Variants in NT5C2 observed in about 807,000 individuals in gnomAD.
NT5C2 encodes the protein 5'-nucleotidase, cytosolic II.
A neutral mutation model predicts 76.1 loss-of-function variants in NT5C2; 58 were observed. The ratio of observed to expected loss-of-function variants is 0.76; its 90% CI spans 0.62 to 0.95. NT5C2 has a LOEUF of 0.95. Ranked by LOEUF, NT5C2 falls within the 40% of genes least tolerant of loss-of-function variation. The pLI, the probability that NT5C2 is intolerant of heterozygous loss-of-function variation, is 0.00. For synonymous variants in NT5C2, 229 were observed against 237.4 expected, an observed-to-expected ratio of 0.96 and a Z score of 0.32; for missense variants, 478 against 690.3, an observed-to-expected ratio of 0.69 and a Z score of 3.45.
At chr10:103,149,254 AAAG>A (rs1438958645) in intron 3 of NT5C2, among the ~76,000 whole-genome samples, 1 of 152,232 alleles carries the variant, frequency 6.6e-6, no homozygotes, top group East Asian at 1.9e-4. Flanking sequence ...TTTAAATGTA[AAAG>A]AAGGTCTATC....
In NT5C2 at chr10:103,099,058, G is replaced by T. The variant is rs946657994; in HGVS notation, c.634-74C>A. The T allele has an allele frequency of 3.3e-6, 4 of 1,210,188 alleles. No homozygotes were observed. In the African/African-American group the frequency reaches 6.1e-5, roughly 18 times the overall value. The allele number at this position is 1,210,188 out of a possible 1,614,324, so 75.0% of individuals were successfully genotyped here. ...TAACATGTAGTTTATAAGAAAAATG[G>T]TTTTTACTAATCAACCCAAATCCTT... is the stretch of plus-strand genomic sequence containing the variant. On this transcript the variant is annotated intron_variant, in intron 9 of 18. Coordinates refer to ENST00000404739, the MANE Select transcript of NT5C2 (RefSeq NM_001351169.2).
At chr10:103,151,929 A>G (rs2082478052) in intron 3 of NT5C2, among the ~76,000 whole-genome samples, 1 of 152,102 alleles carries the variant, frequency 6.6e-6, no homozygotes, top group Admixed American at 6.6e-5. Flanking sequence ...CTAGAGATAA[A>G]CCTAAAAAAA....
intron 3 of NT5C2, among the ~76,000 whole-genome samples, chr10:103,163,878 A>C (rs947173362): frequency 4.1e-5 from 6 of 145,026 alleles, no homozygotes; most frequent in African/African-American, 1.5e-4. Flanking sequence ...AAACAAAAAA[A>C]AAAAAACCTG....
At chr10:103,093,615 T>C (rs2067434693) in intron 14 of NT5C2, 1 of 359,202 alleles carries the variant, frequency 2.8e-6, no homozygotes, top group African/African-American at 2.1e-5. Flanking sequence ...AAGCTGGCTT[T>C]ACTCAACTGT....
chr10:103,166,605 T>TA (rs554094719), intron 3 of NT5C2, among the ~76,000 whole-genome samples: 15 of 149,808 alleles, frequency 1.0e-4, no homozygotes, highest in African/African-American at 1.7e-4. Flanking sequence ...ATTAGAATGA[T>TA]AAAAAACAAA....
intron 4 of NT5C2, among the ~76,000 whole-genome samples, chr10:103,128,586 T>C (rs2077185287): frequency 1.5e-5 from 1 of 65,496 alleles, no homozygotes; most frequent in Non-Finnish European, 3.2e-5. Flanking sequence ...GTGAGGAGCG[T>C]CTCCGCCCGG....
intron 4 of NT5C2, among the ~76,000 whole-genome samples, chr10:103,112,235 T>C (rs1307360526): frequency 6.6e-6 from 1 of 152,148 alleles, no homozygotes; most frequent in Non-Finnish European, 1.5e-5. Context: ...GAATAAAGGA[T>C]ACAAATACCA....
At chr10:103,151,851 A>G (rs909535427) in intron 3 of NT5C2, among the ~76,000 whole-genome samples, 1 of 152,168 alleles carries the variant, frequency 6.6e-6, no homozygotes, top group Non-Finnish European at 1.5e-5. Context: ...GATGTCATTT[A>G]TATACTCCAT....
At chr10:103,171,571 T>G (rs1310454069) in intron 3 of NT5C2, among the ~76,000 whole-genome samples, 1 of 152,206 alleles carries the variant, frequency 6.6e-6, no homozygotes, top group Non-Finnish European at 1.5e-5. Flanking sequence ...TTTCCTGGTG[T>G]GGGAGGCAAA....
At chr10:103,120,816 G>A (rs2075504582) in intron 4 of NT5C2, among the ~76,000 whole-genome samples, 1 of 152,164 alleles carries the variant, frequency 6.6e-6, no homozygotes, top group South Asian at 2.1e-4. Flanking sequence ...CTGAAAGCAG[G>A]AAGCAGGAAC....
At chr10:103,106,728 A>G in intron 4 of NT5C2, 22 bp from the exon 5 acceptor site, 5 of 1,373,880 alleles carry the variant, frequency 3.6e-6, no homozygotes, top group Non-Finnish European at 5.2e-6. Flanking sequence ...GGAGGTTTTC[A>G]TTAGTTAGCA....
chr10:103,125,327 G>T, intron 4 of NT5C2: 1 of 483,316 alleles, frequency 2.1e-6, no homozygotes, highest in South Asian at 1.9e-5. Context: ...TGACTTTGGA[G>T]CACAGCCTAG....
chr10:103,110,570 A>G (rs1466988269), intron 4 of NT5C2, among the ~76,000 whole-genome samples: 1 of 152,126 alleles, frequency 6.6e-6, no homozygotes, highest in African/African-American at 2.4e-5. Flanking sequence ...TGAAACATAC[A>G]CTTCTCCCTC....
At chr10:103,156,848 G>A (rs559646761) in intron 3 of NT5C2, among the ~76,000 whole-genome samples, 1 of 151,378 alleles carries the variant, frequency 6.6e-6, no homozygotes, top group Non-Finnish European at 1.5e-5. Flanking sequence ...ACGAGGTCAG[G>A]AGATGGAGAC....
chr10:103,129,063 C>T (rs1366047971), intron 4 of NT5C2, among the ~76,000 whole-genome samples: 93 of 121,814 alleles, frequency 7.6e-4, no homozygotes, highest in Admixed American at 3.4e-3. Context: ...CCGTGCCATC[C>T]GGGAGGGAGG....
At chr10:103,097,623 T>C (rs2068518935) in intron 10 of NT5C2, among the ~76,000 whole-genome samples, 1 of 152,266 alleles carries the variant, frequency 6.6e-6, no homozygotes, top group Non-Finnish European at 1.5e-5. Flanking sequence ...AGGGGTTATA[T>C]GGCTGTTAAC....
At chr10:103,184,701 T>A (rs539110794) in intron 1 of NT5C2, among the ~76,000 whole-genome samples, 1 of 152,346 alleles carries the variant, frequency 6.6e-6, no homozygotes, top group South Asian at 2.1e-4. Flanking sequence ...CTTTTAATAC[T>A]CTAAATGAAT....
chr10:103,160,537 C>T (rs1396795523), intron 3 of NT5C2, among the ~76,000 whole-genome samples: 1 of 152,130 alleles, frequency 6.6e-6, no homozygotes, highest in Non-Finnish European at 1.5e-5. Flanking sequence ...ATATAAAGAA[C>T]TTTTACAACT....
In NT5C2 at chr10:103,090,749, C is replaced by G; in HGVS notation, c.1311G>C (p.Met437Ile). Residue 437 changes from methionine to isoleucine, a missense_variant, in exon 18 of 19, where the codon ATG becomes ATC. Coordinates refer to ENST00000404739, the MANE Select transcript of NT5C2 (RefSeq NM_001351169.2). Reference sequence around the variant, plus strand: ...GGGAGCCACTGCGAAACAGGCTTCCCATCATCCCATAGCACATGTCCATGT... The same window carrying G: ...GGGAGCCACTGCGAAACAGGCTTCCGATCATCCCATAGCACATGTCCATGT... ...THDMDMCYGM[M>I]GSLFRSGSRQ... is the part of the protein sequence containing the mutation. 6.2e-7 allele frequency: 1 copy of G among 1,614,134 alleles called. No individual in the cohort carries two copies. The highest frequency in any genetic ancestry group is 8.5e-7 in the Non-Finnish European group (1 of 1,180,020).
Sources: allele counts gnomAD v4.1 joint callset (sites outside exome capture counted in the v4.1 genomes callset), GRCh38; gene constraint gnomAD v4.1.1; transcripts MANE v1.5; gene names NCBI Gene and HGNC (gene_info 2026-07-23, HGNC 2026-07-21).